The following ZFHX3 variants were observed in gnomAD, a reference collection of about 807,000 sequenced individuals.
ZFHX3 encodes the protein zinc finger homeobox 3, also known as zinc finger homeobox protein 3.
Under a neutral mutation model 279.1 loss-of-function variants are expected in ZFHX3, and 42 were observed. That is an observed-to-expected ratio of 0.15 (90% CI 0.12 to 0.19). ZFHX3 has a LOEUF of 0.19. Among genes scored for constraint, ZFHX3 ranks in the 10% least tolerant of loss-of-function variants. ZFHX3 has a pLI of 1.00. For synonymous variants in ZFHX3, 2,293 were observed against 1,957.8 expected (o/e 1.17, Z -4.52); for missense variants, 4,981 against 4,754.0 (o/e 1.05, Z -1.40).
rs549645076 is a variant in ZFHX3, at chr16:73,773,718, T to C, written c.-1607-93478A>G. ...TTTCACATAATTTCAGTGTTAGTTA[T>C]GTGAAGTTGTAAATAAAGCCATGGG... is the stretch of plus-strand genomic sequence containing the variant. On this transcript the variant is annotated intron_variant, in intron 1 of 17. Transcript: ENST00000641206. Among the ~76,000 whole-genome samples the C allele has an allele frequency of 7.2e-5, 11 of 152,250 alleles. No homozygotes were observed. In the South Asian group the frequency reaches 2.1e-3, roughly 29 times the overall value.
chr16:72,927,713 C>T (rs1425036560), intron 3 of ZFHX3, among the ~76,000 whole-genome samples: 1 of 151,956 alleles, frequency 6.6e-6, no homozygotes, highest in East Asian at 2.0e-4. Flanking sequence ...AGCCTCTCTG[C>T]GCCAGGCACA....
chr16:72,787,468 GCGGCCGAC>G lies in ZFHX3; in HGVS notation c.10800_10807del (p.Ser3601ArgfsTer62). On this transcript the variant is annotated frameshift_variant, in exon 10 of 10. Transcript: ENST00000268489. LOFTEE classifies it high-confidence loss of function. ...GTGGGGGGAAGCGGAGGAGGGGGCG[GCGGCCGAC>G]GGGGGAGGGGGGCTGTCGTTTGAGT... is the stretch of plus-strand genomic sequence containing the variant. 14 of 1,602,388 alleles carry G rather than the reference GCGGCCGAC, an allele frequency of 8.7e-6. No individual in the cohort carries two copies. The highest frequency in any genetic ancestry group is 1.7e-4 in the Middle Eastern group (1 of 5,772).
intron 3 of ZFHX3, among the ~76,000 whole-genome samples, chr16:72,900,902 A>C (rs1418999844): frequency 6.6e-6 from 1 of 152,242 alleles, no homozygotes; most frequent in African/African-American, 2.4e-5. Flanking sequence ...TGTTGCAGGG[A>C]GGAAAATTTC....
chr16:73,134,655 C>T (rs1180783585), intron 6 of ZFHX3: 1 of 151,936 alleles, frequency 6.6e-6, no homozygotes, highest in Non-Finnish European at 1.5e-5. Flanking sequence ...TCTTATTTCT[C>T]TATTTCTAAG....
At chr16:73,529,402 G>A (rs2019752646) in intron 2 of ZFHX3, among the ~76,000 whole-genome samples, 1 of 152,178 alleles carries the variant, frequency 6.6e-6, no homozygotes. Context: ...CAATTCAGCG[G>A]GTTTCACTCA....
At chr16:73,765,185 T>C (rs562200764) in intron 1 of ZFHX3, among the ~76,000 whole-genome samples, 14 of 152,296 alleles carry the variant, frequency 9.2e-5, no homozygotes, top group African/African-American at 3.1e-4. Context: ...TTCACATTGA[T>C]TGATCTGTCT....
chr16:72,999,863 T>C (rs1160486697), intron 1 of ZFHX3, among the ~76,000 whole-genome samples: 2 of 152,204 alleles, frequency 1.3e-5, no homozygotes, highest in African/African-American at 2.4e-5. Context: ...TGGAGGACAC[T>C]GGCAAGCTGA....
At chr16:73,409,953 G>T (rs1313623873) in intron 3 of ZFHX3, among the ~76,000 whole-genome samples, 1 of 151,654 alleles carries the variant, frequency 6.6e-6, no homozygotes, top group Non-Finnish European at 1.5e-5. Context: ...GTAGGTTGAT[G>T]GTTACCAGAG....
chr16:72,864,547 T>A (rs1453046889), intron 4 of ZFHX3, among the ~76,000 whole-genome samples: 3 of 152,250 alleles, frequency 2.0e-5, no homozygotes, highest in African/African-American at 7.2e-5. Context: ...GGCAACAGAC[T>A]GTCATGTATC....
At chr16:73,083,050 A>G (rs1478065452) in intron 8 of ZFHX3, among the ~76,000 whole-genome samples, 4 of 147,368 alleles carry the variant, frequency 2.7e-5, no homozygotes, top group Non-Finnish European at 6.0e-5. Flanking sequence ...AAAAAATACA[A>G]AAATTAGCTG....
At chr16:73,206,572 A>G (rs960991580) in intron 5 of ZFHX3, among the ~76,000 whole-genome samples, 2 of 152,218 alleles carry the variant, frequency 1.3e-5, no homozygotes, top group African/African-American at 4.8e-5. Context: ...AGAGATTCAT[A>G]CTGGCATCTG....
At chr16:73,577,655 G>T (rs926297892) in intron 2 of ZFHX3, among the ~76,000 whole-genome samples, 1 of 152,092 alleles carries the variant, frequency 6.6e-6, no homozygotes, top group South Asian at 2.1e-4. Flanking sequence ...CTTTCCTCAA[G>T]ATCAGGGGAC....
At chr16:73,278,716 G>A (rs762518977) in intron 4 of ZFHX3, among the ~76,000 whole-genome samples, 15 of 152,012 alleles carry the variant, frequency 9.9e-5, no homozygotes, top group African/African-American at 2.4e-4. Context: ...TGATTGGTGC[G>A]TTTTACAGAG....
intron 3 of ZFHX3, among the ~76,000 whole-genome samples, chr16:73,350,369 G>T (rs1264100596): frequency 1.3e-5 from 2 of 152,126 alleles, no homozygotes; most frequent in African/African-American, 4.8e-5. Flanking sequence ...AGTGTGCACG[G>T]CCCTACTTTT....
At chr16:73,546,716 C>CTGCTGCTGCTGCTGCTGT (rs2020118253) in intron 2 of ZFHX3, among the ~76,000 whole-genome samples, 2 of 121,298 alleles carry the variant, frequency 1.6e-5, no homozygotes, top group African/African-American at 6.9e-5. Flanking sequence ...GCTGCTGCTG[C>CTGCTGCTGCTGCTGCTGT]TGCTGCTGCT....
chr16:73,273,155 C>G (rs2014199026), intron 4 of ZFHX3, among the ~76,000 whole-genome samples: 1 of 152,172 alleles, frequency 6.6e-6, no homozygotes, highest in African/African-American at 2.4e-5. Flanking sequence ...TAAGGGTGTT[C>G]TAATCCTCAT....
chr16:73,245,050 T>C (rs181863600), intron 5 of ZFHX3, among the ~76,000 whole-genome samples: 17 of 152,230 alleles, frequency 1.1e-4, no homozygotes, highest in Admixed American at 7.8e-4. Flanking sequence ...CAACCTATTC[T>C]TGGAAACTCT....
At chr16:72,839,671 C>T (rs553855273) in intron 4 of ZFHX3, among the ~76,000 whole-genome samples, 6 of 151,596 alleles carry the variant, frequency 4.0e-5, no homozygotes, top group East Asian at 3.9e-4. Flanking sequence ...AAGAAGGTCT[C>T]GATGGAGTAT....
intron 3 of ZFHX3, among the ~76,000 whole-genome samples, chr16:73,403,662 G>A (rs913878229): frequency 5.3e-5 from 8 of 152,194 alleles, no homozygotes; most frequent in African/African-American, 1.9e-4. Context: ...GAAAGGGTCT[G>A]AACTGGGCGG....
Sources: allele counts gnomAD v4.1 joint callset (sites outside exome capture counted in the v4.1 genomes callset), GRCh38; gene constraint gnomAD v4.1.1; transcripts MANE v1.5; gene names NCBI Gene and HGNC (gene_info 2026-07-23, HGNC 2026-07-21).